The following FRMD4B variants were observed in gnomAD, a reference collection of about 807,000 sequenced individuals.
FRMD4B encodes the protein FERM domain-containing protein 4B.
Under a neutral mutation model 141.5 loss-of-function variants are expected in FRMD4B, and 74 were observed. The observed-to-expected ratio is 0.52, with a 90% CI of 0.43 to 0.63. FRMD4B has a LOEUF of 0.63. Among genes scored for constraint, FRMD4B ranks in the 30% least tolerant of loss-of-function variants. The pLI, the probability that FRMD4B is intolerant of heterozygous loss-of-function variation, is 0.00. For synonymous variants in FRMD4B, 506 were observed against 467.9 expected (o/e 1.08, Z -1.05); for missense variants, 1,366 against 1,253.4 (o/e 1.09, Z -1.36).
At chr3:69,522,488 C>T (rs532855135) in intron 1 of FRMD4B, among the ~76,000 whole-genome samples, 1 of 152,158 alleles carries the variant, frequency 6.6e-6, no homozygotes, top group Non-Finnish European at 1.5e-5. Flanking sequence ...CTCCCCCATA[C>T]TCCAGCAAGA....
chr3:69,208,328 T>C (rs1264716085), intron 11 of FRMD4B, among the ~76,000 whole-genome samples: 1 of 152,140 alleles, frequency 6.6e-6, no homozygotes, highest in East Asian at 1.9e-4. Context: ...CCTCCCAAAG[T>C]GCTGGGATTA....
intron 7 of FRMD4B, among the ~76,000 whole-genome samples, chr3:69,248,360 C>T (rs1161653842): frequency 3.3e-5 from 5 of 151,988 alleles, no homozygotes; most frequent in African/African-American, 1.2e-4. Context: ...TCTACCAAAG[C>T]CGAATGGGAA....
At chr3:69,268,455 C>A (rs1331210762) in intron 5 of FRMD4B, among the ~76,000 whole-genome samples, 4 of 151,958 alleles carry the variant, frequency 2.6e-5, no homozygotes, top group African/African-American at 9.7e-5. Flanking sequence ...CTGTACTTAC[C>A]CTTCCACATT....
chr3:69,316,818 AT>A (rs1370120678), intron 1 of FRMD4B, among the ~76,000 whole-genome samples: 2 of 152,214 alleles, frequency 1.3e-5, no homozygotes, highest in African/African-American at 4.8e-5. Flanking sequence ...AAATAAGTTT[AT>A]TTCCTGACTT....
In FRMD4B at chr3:69,189,891, C is replaced by A. The variant is rs1381814635; in HGVS notation, c.1771+5G>T. ...TTTTAAACCAAAAAAGGAAGAGCCA[C>A]TTACGATCATCATAGGTGGTGGTGT... is the stretch of plus-strand genomic sequence containing the variant. On this transcript the variant is annotated splice_donor_5th_base_variant and intron_variant, in intron 18 of 22. Coordinates refer to ENST00000398540, the MANE Select transcript of FRMD4B (RefSeq NM_015123.3). 2.5e-6 allele frequency: 4 copies of A among 1,570,070 alleles called. No homozygotes were observed. In the African/African-American group the frequency reaches 5.4e-5, roughly 21 times the overall value.
At chr3:69,541,055 G>A (rs1408584873) in intron 1 of FRMD4B, 1 of 152,186 alleles carries the variant, frequency 6.6e-6, no homozygotes, top group East Asian at 1.9e-4. Context: ...AAACCCCACA[G>A]ATCCATTCCC....
intron 1 of FRMD4B, among the ~76,000 whole-genome samples, chr3:69,344,179 T>C (rs553706031): frequency 6.6e-6 from 1 of 152,358 alleles, no homozygotes; most frequent in South Asian, 2.1e-4. Context: ...CTGACTCCAA[T>C]TAGTGGCATC....
At chr3:69,507,403 G>A (rs1260222670) in intron 1 of FRMD4B, among the ~76,000 whole-genome samples, 1 of 152,024 alleles carries the variant, frequency 6.6e-6, no homozygotes, top group African/African-American at 2.4e-5. Flanking sequence ...GTGTGTGTGT[G>A]TTTCAGTTTT....
intron 1 of FRMD4B, among the ~76,000 whole-genome samples, chr3:69,440,085 G>A (rs1469485169): frequency 6.6e-6 from 1 of 152,130 alleles, no homozygotes; most frequent in Non-Finnish European, 1.5e-5. Context: ...TTTTGATATA[G>A]TGAAATTCAT....
chr3:69,256,937 CCTCAGCACAA>C (rs2093496920), intron 5 of FRMD4B, among the ~76,000 whole-genome samples: 1 of 152,134 alleles, frequency 6.6e-6, no homozygotes, highest in African/African-American at 2.4e-5. Context: ...GGTTTTATAA[CCTCAGCACAA>C]CTGATATTTT....
intron 3 of FRMD4B, 22 bp downstream of exon 3, chr3:69,311,241 C>T (rs374251217): frequency 8.4e-6 from 10 of 1,185,322 alleles, no homozygotes; most frequent in Non-Finnish European, 1.2e-5. Context: ...GGTAAAGAAA[C>T]TAAAACTATT....
intron 1 of FRMD4B, among the ~76,000 whole-genome samples, chr3:69,362,995 A>T (rs1020668332): frequency 2.1e-3 from 34 of 16,332 alleles, no homozygotes; most frequent in Non-Finnish European, 1.8e-3. Context: ...TTTACAGTAA[A>T]AAAAAAAAAA....
intron 1 of FRMD4B, among the ~76,000 whole-genome samples, chr3:69,459,408 G>C (rs1705673898): frequency 6.6e-6 from 1 of 152,154 alleles, no homozygotes; most frequent in Non-Finnish European, 1.5e-5. Flanking sequence ...CTCATTTTAT[G>C]CTAGATATAA....
At chr3:69,402,702 A>G (rs1704585894) in intron 2 of FRMD4B, among the ~76,000 whole-genome samples, 1 of 152,210 alleles carries the variant, frequency 6.6e-6, no homozygotes, top group African/African-American at 2.4e-5. Context: ...TCTCGTGGAT[A>G]CCAAATAGCT....
intron 1 of FRMD4B, among the ~76,000 whole-genome samples, chr3:69,317,235 T>C (rs1031385325): frequency 1.3e-5 from 2 of 152,218 alleles, no homozygotes; most frequent in African/African-American, 2.4e-5. Context: ...AACTTAGGCA[T>C]TGGTGGCTAG....
intron 1 of FRMD4B, among the ~76,000 whole-genome samples, chr3:69,338,062 G>A (rs1051193024): frequency 2.0e-5 from 3 of 152,194 alleles, no homozygotes; most frequent in Non-Finnish European, 1.5e-5. Context: ...CAACCCAAAT[G>A]TCCAACAATG....
intron 1 of FRMD4B, among the ~76,000 whole-genome samples, chr3:69,482,362 T>C (rs1706138263): frequency 6.6e-6 from 1 of 152,140 alleles, no homozygotes; most frequent in Admixed American, 6.5e-5. Context: ...TTACGAGCCA[T>C]GCCCTGGAGA....
chr3:69,227,014 C>T (rs533712355), intron 7 of FRMD4B, among the ~76,000 whole-genome samples: 1 of 151,994 alleles, frequency 6.6e-6, no homozygotes. Context: ...ATATCTAGTG[C>T]CTAAAGAAAT....
At chr3:69,362,989 C>A (rs1179963465) in intron 1 of FRMD4B, among the ~76,000 whole-genome samples, 1 of 13,602 alleles carries the variant, frequency 7.4e-5, no homozygotes, top group Non-Finnish European at 1.4e-4. Flanking sequence ...ATGCTTTTTA[C>A]AGTAAAAAAA....
Sources: gnomAD v4.1 joint callset for allele counts (sites outside exome capture counted in the v4.1 genomes callset) on GRCh38, gnomAD v4.1.1 for gene constraint, MANE v1.5 for transcripts, NCBI Gene and HGNC (gene_info 2026-07-23, HGNC 2026-07-21) for gene names.